The following PCDH15 variants were observed in gnomAD, a reference collection of about 807,000 sequenced individuals.
PCDH15 encodes the protein protocadherin-15.
A neutral mutation model predicts 178.5 loss-of-function variants in PCDH15; 129 were observed. That is an observed-to-expected ratio of 0.72 (90% CI 0.63 to 0.84). PCDH15 has a LOEUF of 0.84. PCDH15 is among the 40% of genes least tolerant of loss of function. PCDH15 has a pLI of 0.00. For missense variants in PCDH15, 2,230 were observed against 2,099.9 expected (o/e 1.06, Z -1.21); for synonymous variants, 800 against 732.0 (o/e 1.09, Z -1.50).
intron 3 of PCDH15, among the ~76,000 whole-genome samples, chr10:54,837,152 A>G (rs1209537716): frequency 6.6e-6 from 1 of 152,174 alleles, no homozygotes; most frequent in Non-Finnish European, 1.5e-5. Context: ...AGAAAGATTT[A>G]AACCATCTTG....
intron 8 of PCDH15, among the ~76,000 whole-genome samples, chr10:54,283,639 A>T (rs1361532619): frequency 1.3e-5 from 2 of 152,172 alleles, no homozygotes; most frequent in Non-Finnish European, 2.9e-5. Flanking sequence ...AACACAAGAA[A>T]GGAAAAATAC....
intron 2 of PCDH15, among the ~76,000 whole-genome samples, chr10:54,569,731 C>T (rs1205375380): frequency 6.6e-6 from 1 of 152,112 alleles, no homozygotes; most frequent in African/African-American, 2.4e-5. Context: ...GAACAACATG[C>T]TGGCAACAGT....
intron 2 of PCDH15, among the ~76,000 whole-genome samples, chr10:55,400,159 G>A (rs1297774255): frequency 6.6e-6 from 1 of 152,056 alleles, no homozygotes; most frequent in African/African-American, 2.4e-5. Context: ...TGGTCATCTT[G>A]GGGTTGGATA....
At chr10:53,905,285 A>G in intron 25 of PCDH15, 1 of 508,238 alleles carries the variant, frequency 2.0e-6, no homozygotes, top group South Asian at 1.4e-5. Flanking sequence ...TACAAATAGG[A>G]TACATTAAAT....
chr10:53,991,960 G>T (rs1200743070), intron 21 of PCDH15, among the ~76,000 whole-genome samples: 1 of 152,038 alleles, frequency 6.6e-6, no homozygotes, highest in Non-Finnish European at 1.5e-5. Context: ...AACCCGCTCG[G>T]GTCCCCTTCC....
chr10:54,393,869 A>G (rs937390616), intron 3 of PCDH15, among the ~76,000 whole-genome samples: 56 of 152,218 alleles, frequency 3.7e-4, no homozygotes, highest in African/African-American at 1.3e-3. Flanking sequence ...TGTCATTTCC[A>G]TTTCTAGGTT....
At chr10:55,559,009 C>T (rs1842142633) in intron 2 of PCDH15, among the ~76,000 whole-genome samples, 1 of 152,108 alleles carries the variant, frequency 6.6e-6, no homozygotes, top group Admixed American at 6.6e-5. Flanking sequence ...CTCTAGAAGT[C>T]TCCCTTATGT....
At chr10:54,611,097 G>A (rs887427032) in intron 2 of PCDH15, among the ~76,000 whole-genome samples, 1 of 151,566 alleles carries the variant, frequency 6.6e-6, no homozygotes, top group African/African-American at 2.4e-5. Flanking sequence ...AACTCAAAAG[G>A]AAATAAACAC....
At chr10:54,134,514 G>A (rs2042721352) in intron 14 of PCDH15, among the ~76,000 whole-genome samples, 1 of 152,024 alleles carries the variant, frequency 6.6e-6, no homozygotes, top group Non-Finnish European at 1.5e-5. Context: ...AGCACTTTGG[G>A]AGGCCGAGGC....
chr10:54,851,003 A>C (rs1364943134), intron 3 of PCDH15, among the ~76,000 whole-genome samples: 1 of 152,212 alleles, frequency 6.6e-6, no homozygotes, highest in Non-Finnish European at 1.5e-5. Flanking sequence ...AAATCTTAGA[A>C]AGTATCATAT....
At chr10:54,150,665 T>C (rs772612098) in intron 14 of PCDH15, among the ~76,000 whole-genome samples, 6 of 143,154 alleles carry the variant, frequency 4.2e-5, no homozygotes, top group Non-Finnish European at 9.3e-5. Context: ...TTGTTGTTTC[T>C]TTCCAGAGAA....
At chr10:55,556,595 C>T (rs1247516090) in intron 2 of PCDH15, among the ~76,000 whole-genome samples, 1 of 151,912 alleles carries the variant, frequency 6.6e-6, no homozygotes, top group African/African-American at 2.4e-5. Context: ...TTTTGGGAAG[C>T]CAAGGTGGGC....
intron 1 of PCDH15, among the ~76,000 whole-genome samples, chr10:54,727,947 C>T (rs1489183998): frequency 6.6e-6 from 1 of 151,230 alleles, no homozygotes; most frequent in Non-Finnish European, 1.5e-5. Flanking sequence ...AGTAACAAAC[C>T]AACCAACCAG....
chr10:53,963,474 A>G (rs1013435045), intron 21 of PCDH15, among the ~76,000 whole-genome samples: 2 of 151,406 alleles, frequency 1.3e-5, no homozygotes, highest in African/African-American at 4.8e-5. Context: ...TTCTACTTCT[A>G]CTCTCGGCCC....
At chr10:54,545,672 G>A (rs1010926418) in intron 2 of PCDH15, among the ~76,000 whole-genome samples, 1 of 151,978 alleles carries the variant, frequency 6.6e-6, no homozygotes. Context: ...GGGATCTATA[G>A]CAATATAGAG....
In PCDH15 at chr10:53,858,910, G is replaced by GT. The variant is rs557721857; in HGVS notation, c.3718-1648dup. Among the ~76,000 whole-genome samples, 799 of 152,062 alleles carry GT rather than the reference G, an allele frequency of 5.3e-3. 9 individuals carry two copies. The highest frequency in any genetic ancestry group is 0.018 in the African/African-American group (749 of 41,476). The stretch of plus-strand genomic sequence containing the variant: ...GAATAGAAATATTTTTTGTTTTATT[G>GT]TTTTTGAGTTTTTAGCAGTAAAATT... On this transcript the variant is annotated intron_variant, in intron 27 of 37. Transcript: ENST00000644397.
chr10:55,608,717 G>A (rs551326615), intron 2 of PCDH15, among the ~76,000 whole-genome samples: 16 of 151,914 alleles, frequency 1.1e-4, no homozygotes, highest in South Asian at 6.2e-4. Context: ...CTCCCTGATC[G>A]ACTAAAACTG....
At chr10:54,633,527 T>C (rs1051209962) in intron 2 of PCDH15, among the ~76,000 whole-genome samples, 2 of 152,020 alleles carry the variant, frequency 1.3e-5, no homozygotes, top group African/African-American at 2.4e-5. Context: ...TAGTGAACTG[T>C]GTGGACCATG....
At position 54,288,583 on chromosome 10, in the gene PCDH15, G is replaced by C. The variant is rs543674665; in HGVS notation, c.876+28688C>G. Reference sequence around the variant, plus strand: ...GTGTCACCTCACCCAGGAAGCACAAGGGGTCAAGGGATTTCCCTTTCCTAG... The same window carrying C: ...GTGTCACCTCACCCAGGAAGCACAACGGGTCAAGGGATTTCCCTTTCCTAG... On this transcript the variant is annotated intron_variant, in intron 8 of 37. Transcript: ENST00000644397. Among the ~76,000 whole-genome samples the C allele has an allele frequency of 1.5e-3, 236 of 152,326 alleles. 2 individuals are homozygous for C. Among genetic ancestry groups the C allele is most frequent in the African/African-American group, 5.5e-3 (228 of 41,576 alleles).
Sources: allele counts gnomAD v4.1 joint callset (sites outside exome capture counted in the v4.1 genomes callset), GRCh38; gene constraint gnomAD v4.1.1; transcripts MANE v1.5; gene names NCBI Gene and HGNC (gene_info 2026-07-23, HGNC 2026-07-21).